Variants in CLCN3 observed in about 807,000 individuals in gnomAD.
The protein encoded by CLCN3 is Cl-/H+ antiporter 3, also known as H(+)/Cl(-) exchange transporter 3.
Under a neutral mutation model 83.4 loss-of-function variants are expected in CLCN3, and 16 were observed. The observed-to-expected ratio is 0.19, with a 90% CI of 0.13 to 0.29. The LOEUF is 0.29. CLCN3 is among the 10% of genes least tolerant of loss of function. The probability of loss-of-function intolerance (pLI) is 1.00; values close to 1 mark genes in which losing one functional copy is unlikely to be tolerated. For synonymous variants in CLCN3, 322 were observed against 346.2 expected (o/e 0.93, Z 0.78); for missense variants, 544 against 1,006.0 (o/e 0.54, Z 6.21).
chr4:169,663,568 G>T, intron 2 of CLCN3: 1 of 399,594 alleles, frequency 2.5e-6, no homozygotes, highest in Non-Finnish European at 4.9e-6. Flanking sequence ...TCCAACTCCT[G>T]GGCTCAAGCA....
chr4:169,661,443 T>C (rs777877249), intron 2 of CLCN3, among the ~76,000 whole-genome samples: 2 of 152,196 alleles, frequency 1.3e-5, no homozygotes, highest in Non-Finnish European at 2.9e-5. Flanking sequence ...CTTTGTGTTC[T>C]GATAACACTT....
At chr4:169,711,264 T>C (rs1168422207) in intron 11 of CLCN3, among the ~76,000 whole-genome samples, 1 of 152,232 alleles carries the variant, frequency 6.6e-6, no homozygotes, top group East Asian at 1.9e-4. Flanking sequence ...TCAGACACCA[T>C]TCAGTTGTTA....
At chr4:169,698,359 G>A (rs1732648499) in intron 9 of CLCN3, among the ~76,000 whole-genome samples, 2 of 151,968 alleles carry the variant, frequency 1.3e-5, no homozygotes. Flanking sequence ...TGGGCTCCTG[G>A]GATCAATCAC....
intron 2 of CLCN3, among the ~76,000 whole-genome samples, chr4:169,665,544 G>A (rs149899798): frequency 4.2e-4 from 64 of 151,794 alleles, no homozygotes; most frequent in Middle Eastern, 6.8e-3. Context: ...AACTTAGAAC[G>A]TTTACTTTCC....
chr4:169,698,924 C>T (rs1732672742), intron 9 of CLCN3, among the ~76,000 whole-genome samples: 1 of 152,236 alleles, frequency 6.6e-6, no homozygotes, highest in African/African-American at 2.4e-5. Context: ...CTGGTCAAGT[C>T]TTTCTCTTGT....
intron 2 of CLCN3, among the ~76,000 whole-genome samples, chr4:169,642,230 G>A (rs1011929651): frequency 1.3e-5 from 2 of 151,924 alleles, no homozygotes; most frequent in Non-Finnish European, 2.9e-5. Context: ...CACCATGCCC[G>A]ATTTACCAGT....
chr4:169,622,426 A>G (rs1773132378), intron 1 of CLCN3, among the ~76,000 whole-genome samples: 1 of 151,822 alleles, frequency 6.6e-6, no homozygotes, highest in Admixed American at 6.6e-5. Context: ...GCCAGATTTG[A>G]TCTCTGTGGT....
At chr4:169,686,671 TC>T (rs1321439784) in intron 3 of CLCN3, among the ~76,000 whole-genome samples, 1 of 152,196 alleles carries the variant, frequency 6.6e-6, no homozygotes, top group Non-Finnish European at 1.5e-5. Context: ...TGCTTCGGAC[TC>T]CCAAAGTGCT....
At chr4:169,646,799 A>ATC (rs1730586578) in intron 2 of CLCN3, among the ~76,000 whole-genome samples, 1 of 152,154 alleles carries the variant, frequency 6.6e-6, no homozygotes, top group African/African-American at 2.4e-5. Context: ...CACAGAGGAA[A>ATC]ATGGCTACCT....
At chr4:169,712,019 C>T (rs572644470) in intron 11 of CLCN3, among the ~76,000 whole-genome samples, 2 of 135,996 alleles carry the variant, frequency 1.5e-5, no homozygotes, top group Non-Finnish European at 3.2e-5. Context: ...CATGCTTGGC[C>T]GATTTTTTTT....
rs1218714279 is a variant in CLCN3, at chr4:169,692,163, G to T, written c.779G>T (p.Trp260Leu). 3.1e-6 allele frequency: 5 copies of T among 1,612,212 alleles called. No individual in the cohort carries two copies. The highest frequency in any genetic ancestry group is 4.2e-6 in the Non-Finnish European group (5 of 1,178,514). Reference protein sequence around the residue: ...GFIIRGYLGKWTLMIKTITLV... With the variant: ...GFIIRGYLGKLTLMIKTITLV... ...ATCATCAGAGGTTACTTGGGAAAATGGACTTTAATGATTAAAACCATCACA... is the reference window on the plus strand; with the variant it reads ...ATCATCAGAGGTTACTTGGGAAAATTGACTTTAATGATTAAAACCATCACA... The change falls in exon 7 of 13, where the codon TGG (tryptophan) becomes TTG (leucine). Residue 260 changes from tryptophan to leucine, a missense_variant. Trp to Leu is a moderately conservative substitution (Grantham distance 61). Coordinates refer to ENST00000513761, the MANE Select transcript of CLCN3 (RefSeq NM_001829.4).
intron 1 of CLCN3, among the ~76,000 whole-genome samples, chr4:169,630,826 G>A (rs1773350640): frequency 2.0e-5 from 3 of 152,198 alleles, no homozygotes; most frequent in Admixed American, 2.0e-4. Flanking sequence ...ACCGCACCCA[G>A]CCTGTACCAT....
intron 1 of CLCN3, among the ~76,000 whole-genome samples, chr4:169,628,415 A>G (rs1773288579): frequency 6.6e-6 from 1 of 152,202 alleles, no homozygotes; most frequent in African/African-American, 2.4e-5. Context: ...ACAACTGACA[A>G]ATAACTAGTA....
chr4:169,642,241 A>G (rs1023352556), intron 2 of CLCN3, among the ~76,000 whole-genome samples: 1 of 152,024 alleles, frequency 6.6e-6, no homozygotes, highest in African/African-American at 2.4e-5. Flanking sequence ...ATTTACCAGT[A>G]TACTTCTTGA....
At chr4:169,660,141 C>G (rs933402996) in intron 2 of CLCN3, 8 of 1,109,300 alleles carry the variant, frequency 7.2e-6, no homozygotes, top group Non-Finnish European at 8.8e-6. Context: ...CGCCTCTAAG[C>G]CTTGCTAGAT....
chr4:169,713,414 A>G (rs980798357), intron 12 of CLCN3, 119 bp downstream of exon 12: 9 of 710,858 alleles, frequency 1.3e-5, no homozygotes, highest in African/African-American at 7.1e-5. Context: ...AGTCTGTCCT[A>G]TGGTATAGTC....
At chr4:169,656,570 A>G (rs1341676379) in intron 2 of CLCN3, among the ~76,000 whole-genome samples, 1 of 152,226 alleles carries the variant, frequency 6.6e-6, no homozygotes, top group Non-Finnish European at 1.5e-5. Flanking sequence ...GATCCAAACC[A>G]TATTACAACC....
At chr4:169,655,114 A>G (rs1016772409) in intron 2 of CLCN3, among the ~76,000 whole-genome samples, 17 of 152,188 alleles carry the variant, frequency 1.1e-4, no homozygotes, top group African/African-American at 3.6e-4. Context: ...ATCTACTTTG[A>G]TATTAATATA....
At chr4:169,655,796 T>C (rs1730865356) in intron 2 of CLCN3, among the ~76,000 whole-genome samples, 1 of 152,160 alleles carries the variant, frequency 6.6e-6, no homozygotes, top group Non-Finnish European at 1.5e-5. Flanking sequence ...TGAGCCGCCA[T>C]GCCTGGGCCA....
Sources: gnomAD v4.1 joint callset for allele counts (sites outside exome capture counted in the v4.1 genomes callset) on GRCh38, gnomAD v4.1.1 for gene constraint, MANE v1.5 for transcripts, NCBI Gene and HGNC (gene_info 2026-07-23, HGNC 2026-07-21) for gene names.